The following KLHL13 variants were observed in gnomAD, a reference collection of about 807,000 sequenced individuals.
The protein encoded by KLHL13 is kelch-like protein 13.
KLHL13 carries 10 observed loss-of-function variants against 37.1 expected under a neutral mutation model. The ratio of observed to expected loss-of-function variants is 0.27; its 90% CI spans 0.17 to 0.46. KLHL13 has a LOEUF of 0.46. Ranked by LOEUF, KLHL13 falls within the 20% of genes least tolerant of loss-of-function variation. The pLI is 1.00. For synonymous variants in KLHL13, 163 were observed against 181.2 expected (o/e 0.90, Z 0.81); for missense variants, 360 against 509.3 (o/e 0.71, Z 2.82).
At chrX:118,070,479 C>A (rs1264726818) in intron 1 of KLHL13, among the ~76,000 whole-genome samples, 2 of 111,836 alleles carry the variant, frequency 1.8e-5, no homozygotes, top group Non-Finnish European at 3.8e-5. Context: ...AGTCCTTTCA[C>A]TAGTTGTTGA....
In KLHL13 at chrX:117,970,509, C is replaced by T. The variant is rs149269364; in HGVS notation, c.98+2222G>A. Among the ~76,000 whole-genome samples, 1,031 of 111,333 alleles carry T rather than the reference C, an allele frequency of 9.3e-3. 17 individuals are homozygous for T. The highest frequency in any genetic ancestry group is 0.031 in the African/African-American group (955 of 30,709). On this transcript the variant is annotated intron_variant, in intron 1 of 6. Coordinates refer to ENST00000262820, the Ensembl canonical transcript of KLHL13. ...TTTGCCAGCCAAACAATTGTGAGAA[C>T]AAATATAATGTTACTTGACCCAGTA...
chrX:118,093,941 C>A (rs971613592), intron 1 of KLHL13, among the ~76,000 whole-genome samples: 6 of 109,246 alleles, frequency 5.5e-5, no homozygotes, highest in Admixed American at 3.0e-4. Flanking sequence ...CAGCTCCCAA[C>A]GTGAGCGACA....
intron 1 of KLHL13, among the ~76,000 whole-genome samples, chrX:118,048,206 T>A (rs749304366): frequency 2.7e-4 from 30 of 111,883 alleles, no homozygotes; most frequent in Non-Finnish European, 4.9e-4. Context: ...TGTTTTGTTT[T>A]ATTTTGTTTT....
intron 1 of KLHL13, among the ~76,000 whole-genome samples, chrX:118,001,775 G>A (rs1346960925): frequency 9.2e-6 from 1 of 108,678 alleles, no homozygotes; most frequent in Non-Finnish European, 1.9e-5. Flanking sequence ...TGAAGTGGGA[G>A]GATCACTTGA....
chrX:117,972,293 A>G (rs2053537185), intron 1 of KLHL13, among the ~76,000 whole-genome samples: 2 of 112,019 alleles, frequency 1.8e-5, no homozygotes, highest in South Asian at 7.4e-4. Flanking sequence ...TTTCTGATCA[A>G]TGTTAACTCT....
At chrX:117,949,467 T>C (rs1474897641) in intron 1 of KLHL13, among the ~76,000 whole-genome samples, 1 of 111,598 alleles carries the variant, frequency 9.0e-6, no homozygotes, top group East Asian at 2.8e-4. Flanking sequence ...TTTAATTTGG[T>C]AGACGTTCTA....
chrX:117,938,639 T>C (rs1348028818), intron 2 of KLHL13, among the ~76,000 whole-genome samples: 2 of 111,841 alleles, frequency 1.8e-5, no homozygotes, highest in African/African-American at 6.5e-5. Context: ...TTTTAAAAAT[T>C]AGCAGGACCA....
chrX:117,900,592 T>G (rs763815017), intron 6 of KLHL13, among the ~76,000 whole-genome samples: 26 of 112,078 alleles, frequency 2.3e-4, no homozygotes, highest in Non-Finnish European at 4.3e-4. Context: ...ATTCTGTAGT[T>G]GCTCATGAAT....
At chrX:118,003,702 T>C (rs1490463923) in intron 1 of KLHL13, among the ~76,000 whole-genome samples, 3 of 110,813 alleles carry the variant, frequency 2.7e-5, no homozygotes, top group African/African-American at 9.9e-5. Flanking sequence ...GCAGAATTTA[T>C]AGGAACTACA....
chrX:118,040,362 A>G (rs1364983838), intron 1 of KLHL13, among the ~76,000 whole-genome samples: 4 of 111,477 alleles, frequency 3.6e-5, no homozygotes, highest in Non-Finnish European at 7.5e-5. Flanking sequence ...GAAATTAAAG[A>G]TAACACGGAG....
chrX:118,056,461 T>G (rs1444048650), intron 1 of KLHL13, among the ~76,000 whole-genome samples: 1 of 111,675 alleles, frequency 9.0e-6, no homozygotes, highest in Non-Finnish European at 1.9e-5. Context: ...TAGCTAATTG[T>G]AAAAGTCATA....
intron 1 of KLHL13, among the ~76,000 whole-genome samples, chrX:118,030,546 C>G (rs1162381374): frequency 9.0e-6 from 1 of 111,461 alleles, no homozygotes. Context: ...TTTGAATGTG[C>G]CCCCAAAAAA....
chrX:117,936,137 T>A (rs1043807462), intron 2 of KLHL13, among the ~76,000 whole-genome samples: 2 of 111,506 alleles, frequency 1.8e-5, no homozygotes, highest in Admixed American at 1.9e-4. Context: ...GAATAGAAGG[T>A]TTCCATGAGA....
chrX:117,984,860 G>A (rs2053705890), intron 1 of KLHL13, among the ~76,000 whole-genome samples: 1 of 108,441 alleles, frequency 9.2e-6, no homozygotes, highest in Non-Finnish European at 1.9e-5. Context: ...TTTTCTTTGT[G>A]CATTTAAAAA....
At chrX:117,965,576 C>T (rs1307362674) in intron 1 of KLHL13, among the ~76,000 whole-genome samples, 1 of 111,070 alleles carries the variant, frequency 9.0e-6, no homozygotes, top group African/African-American at 3.3e-5. Context: ...CATCCTGATA[C>T]CAAAGTCCGG....
At chrX:117,903,452 T>C (rs868424152) in intron 5 of KLHL13, among the ~76,000 whole-genome samples, 1 of 111,802 alleles carries the variant, frequency 8.9e-6, no homozygotes, top group African/African-American at 3.2e-5. Context: ...TTCTATTTCT[T>C]TTAAACCCTA....
At chrX:117,899,120 C>T in exon 7 of KLHL13, 1 of 1,211,479 alleles carries the variant, frequency 8.3e-7, no homozygotes, top group Non-Finnish European at 1.1e-6. Context: ...ATTTTATTTT[C>T]GAAGACAGCG....
At chrX:117,938,990 T>C (rs1932903145) in intron 2 of KLHL13, among the ~76,000 whole-genome samples, 1 of 110,458 alleles carries the variant, frequency 9.1e-6, no homozygotes, top group Admixed American at 9.7e-5. Flanking sequence ...GTGCAGAACA[T>C]GCAGGTTTGT....
intron 1 of KLHL13, among the ~76,000 whole-genome samples, chrX:118,093,404 G>A (rs181732829): frequency 1.2e-4 from 13 of 111,485 alleles, no homozygotes; most frequent in African/African-American, 2.9e-4. Flanking sequence ...AAACCATGAC[G>A]CAATAAAATG....
Sources: gnomAD v4.1 joint callset for allele counts (sites outside exome capture counted in the v4.1 genomes callset) on GRCh38, gnomAD v4.1.1 for gene constraint, MANE v1.5 for transcripts, NCBI Gene and HGNC (gene_info 2026-07-23, HGNC 2026-07-21) for gene names.